Variants in HIVEP3 observed in about 807,000 individuals in gnomAD.
HIVEP3 encodes HIVEP zinc finger 3.
A neutral mutation model predicts 152.8 loss-of-function variants in HIVEP3; 49 were observed. That is an observed-to-expected ratio of 0.32 (90% confidence interval 0.26 to 0.41). The LOEUF is 0.41. Among genes scored for constraint, HIVEP3 ranks in the 10% least tolerant of loss-of-function variants. The pLI is 1.00. For synonymous variants in HIVEP3, 1,269 were observed against 1,289.0 expected (o/e 0.98, Z 0.33); for missense variants, 2,790 against 3,103.3 (o/e 0.90, Z 2.40).
chr1:41,513,684 T>G lies in HIVEP3; in HGVS notation c.5537A>C (p.Gln1846Pro). 6.2e-7 allele frequency: 1 copy of G among 1,611,922 alleles called. No individual in the cohort carries two copies. The highest frequency in any genetic ancestry group is 8.5e-7 in the Non-Finnish European group (1 of 1,179,110). Reference sequence around the variant, plus strand: ...GTCCGAGTCCTCCAGGTCCGAAAACTGGTGCTCCTCCACAGCCTCTGAACC... The same window carrying G: ...GTCCGAGTCCTCCAGGTCCGAAAACGGGTGCTCCTCCACAGCCTCTGAACC... Reference protein sequence around the residue: ...REGSEAVEEHQFSDLEDSDSD... With the variant: ...REGSEAVEEHPFSDLEDSDSD... Residue 1846 changes from glutamine to proline, a missense_variant, in exon 8 of 9, where the codon CAG becomes CCG. Gln to Pro is a moderately conservative substitution (Grantham distance 76). Coordinates refer to ENST00000372583, the MANE Select transcript of HIVEP3 (RefSeq NM_024503.5).
intron 1 of HIVEP3, among the ~76,000 whole-genome samples, chr1:41,960,481 G>C (rs1317559264): frequency 6.6e-6 from 1 of 152,114 alleles, no homozygotes; most frequent in Non-Finnish European, 1.5e-5. Flanking sequence ...ACTGATACAG[G>C]GGAATAAGAG....
chr1:41,512,787 C>T (rs766894956), intron 8 of HIVEP3, 29 bp downstream of exon 8: 11 of 1,453,656 alleles, frequency 7.6e-6, no homozygotes, highest in East Asian at 2.5e-5. Flanking sequence ...AGGGGAGAAG[C>T]GGCCCAGCCA....
At chr1:41,695,955 G>C (rs929070013) in intron 2 of HIVEP3, among the ~76,000 whole-genome samples, 1 of 152,150 alleles carries the variant, frequency 6.6e-6, no homozygotes, top group Non-Finnish European at 1.5e-5. Flanking sequence ...CACATCCACG[G>C]TCAAGTCCCT....
chr1:41,938,524 GTTGA>G (rs1645030605), intron 1 of HIVEP3, among the ~76,000 whole-genome samples: 1 of 152,194 alleles, frequency 6.6e-6, no homozygotes, highest in Non-Finnish European at 1.5e-5. Flanking sequence ...ACTGATGAAT[GTTGA>G]TTAATGCCAT....
At chr1:41,687,087 A>T in intron 2 of HIVEP3, among the ~76,000 whole-genome samples, 1 of 152,134 alleles carries the variant, frequency 6.6e-6, no homozygotes, top group East Asian at 1.9e-4. Context: ...TGAGAAAGGG[A>T]CATTTAAGTA....
intron 1 of HIVEP3, among the ~76,000 whole-genome samples, chr1:41,805,207 C>T (rs540235828): frequency 1.2e-4 from 18 of 152,224 alleles, no homozygotes; most frequent in African/African-American, 3.9e-4. Flanking sequence ...CTTGGTGGTG[C>T]GTGCCTATAA....
chr1:41,796,313 G>A lies in HIVEP3; in HGVS notation c.-800-95318C>T, dbSNP rs571982855. Among the ~76,000 whole-genome samples, 15 of 152,176 alleles carry A rather than the reference G, an allele frequency of 9.9e-5. No individual in the cohort carries two copies. In the South Asian group the frequency reaches 2.3e-3, roughly 23 times the overall value. ...ATGACTGATCCCACGGCCATCTGCC[G>A]GGACCACACGACAGCCCCAGGATGG... On this transcript the variant is annotated intron_variant, in intron 1 of 8. Transcript: ENST00000372583.
At chr1:41,646,896 T>G (rs566906833) in intron 2 of HIVEP3, among the ~76,000 whole-genome samples, 2 of 152,184 alleles carry the variant, frequency 1.3e-5, no homozygotes, top group Non-Finnish European at 2.9e-5. Context: ...AGGGCTGCAT[T>G]GCTTTCTGGA....
chr1:42,007,929 G>T (rs950553137), intron 1 of HIVEP3, among the ~76,000 whole-genome samples: 1 of 152,004 alleles, frequency 6.6e-6, no homozygotes, highest in Non-Finnish European at 1.5e-5. Flanking sequence ...TCTTCTGATG[G>T]ATTCCTTCAT....
At chr1:41,712,735 C>T (rs1010307006) in intron 1 of HIVEP3, among the ~76,000 whole-genome samples, 10 of 152,222 alleles carry the variant, frequency 6.6e-5, no homozygotes, top group African/African-American at 2.4e-4. Flanking sequence ...AGCTGGTCCC[C>T]TGCATGGCCC....
intron 1 of HIVEP3, among the ~76,000 whole-genome samples, chr1:42,017,679 T>C (rs1247432650): frequency 6.6e-6 from 1 of 152,194 alleles, no homozygotes; most frequent in Non-Finnish European, 1.5e-5. Flanking sequence ...GATATCTGGG[T>C]TGCTTCCAGT....
rs191448973 is a variant in HIVEP3, at chr1:41,647,545, C to T, written c.-720-18598G>A. Among the ~76,000 whole-genome samples, 1,480 of 152,338 alleles carry T rather than the reference C, an allele frequency of 9.7e-3. 17 individuals are homozygous for T. The highest frequency in any genetic ancestry group is 0.034 in the African/African-American group (1,398 of 41,568). ...GTACTTTGCTCTCTCCTTCTCCACT[C>T]TCCCCATCATAGTATGGGAGGTTCC... On this transcript the variant is annotated intron_variant, in intron 2 of 8. Transcript: ENST00000372583.
At chr1:41,879,498 T>G (rs16828848) in intron 1 of HIVEP3, among the ~76,000 whole-genome samples, 3 of 152,244 alleles carry the variant, frequency 2.0e-5, no homozygotes, top group Admixed American at 1.3e-4. Context: ...AGTTTCCTTA[T>G]TGAAGCCAAT....
At chr1:41,944,060 T>G (rs979698232) in intron 1 of HIVEP3, among the ~76,000 whole-genome samples, 1 of 152,196 alleles carries the variant, frequency 6.6e-6, no homozygotes, top group Non-Finnish European at 1.5e-5. Context: ...ATGAGGTACT[T>G]AGAGTAATAA....
At chr1:41,549,209 T>C (rs369560647) in intron 5 of HIVEP3, among the ~76,000 whole-genome samples, 5 of 152,332 alleles carry the variant, frequency 3.3e-5, no homozygotes, top group South Asian at 4.1e-4. Flanking sequence ...GAACTCATCC[T>C]TTTCTATGGG....
chr1:41,723,501 C>CCACACACACA (rs35823066), intron 1 of HIVEP3, among the ~76,000 whole-genome samples: 3 of 146,446 alleles, frequency 2.0e-5, no homozygotes, highest in African/African-American at 7.6e-5. Context: ...CACACAGCCA[C>CCACACACACA]CACACACACA....
At chr1:41,544,831 TCACCACCACCACTACCACCACCAC>T (rs1643657608) in intron 5 of HIVEP3, among the ~76,000 whole-genome samples, 1 of 10,152 alleles carries the variant, frequency 9.9e-5, no homozygotes, top group Non-Finnish European at 2.0e-4. Context: ...ACCACCACCA[TCACCACCACCACTACCACCACCAC>T]CACCACCACC....
At chr1:41,968,817 C>T (rs1452260206) in intron 1 of HIVEP3, among the ~76,000 whole-genome samples, 1 of 152,218 alleles carries the variant, frequency 6.6e-6, no homozygotes, top group Non-Finnish European at 1.5e-5. Context: ...ACACCATCAA[C>T]TTAGCCCAAA....
chr1:41,691,252 GAAA>G (rs1646193635), intron 2 of HIVEP3, among the ~76,000 whole-genome samples: 16 of 152,110 alleles, frequency 1.1e-4, no homozygotes, highest in Admixed American at 9.8e-4. Context: ...CTTCTAAATT[GAAA>G]ATAGCTTTAT....
Sources: gnomAD v4.1 joint callset for allele counts (sites outside exome capture counted in the v4.1 genomes callset) on GRCh38, gnomAD v4.1.1 for gene constraint, MANE v1.5 for transcripts, NCBI Gene and HGNC (gene_info 2026-07-23, HGNC 2026-07-21) for gene names.